The following SUMF1 variants were observed in gnomAD, a reference collection of about 807,000 sequenced individuals.
SUMF1 encodes the protein sulfatase modifying factor 1.
Under a neutral mutation model 47.6 loss-of-function variants are expected in SUMF1, and 48 were observed. That is an observed-to-expected ratio of 1.01 (90% confidence interval 0.80 to 1.28). SUMF1 has a LOEUF of 1.28. Among genes scored for constraint, SUMF1 ranks in the 50% most tolerant of loss-of-function variants. The pLI, the probability that SUMF1 is intolerant of heterozygous loss-of-function variation, is 0.00. For missense variants in SUMF1, 571 were observed against 485.4 expected, an observed-to-expected ratio of 1.18 and a Z score of -1.66; for synonymous variants, 230 against 192.1, an observed-to-expected ratio of 1.20 and a Z score of -1.63.
chr3:4,381,895 A>T (rs1489869633), intron 7 of SUMF1, among the ~76,000 whole-genome samples: 2 of 152,046 alleles, frequency 1.3e-5, no homozygotes, highest in Non-Finnish European at 2.9e-5. Flanking sequence ...AAAATACAAA[A>T]ATTAGCCGGG....
intron 8 of SUMF1, among the ~76,000 whole-genome samples, chr3:4,204,657 C>T (rs903877593): frequency 6.6e-6 from 1 of 151,952 alleles, no homozygotes; most frequent in African/African-American, 2.4e-5. Context: ...TATAGGCATG[C>T]TTCATGCCTT....
At chr3:4,442,331 C>T (rs1462622943) in intron 3 of SUMF1, among the ~76,000 whole-genome samples, 1 of 151,350 alleles carries the variant, frequency 6.6e-6, no homozygotes, top group African/African-American at 2.4e-5. Flanking sequence ...TCTCGGCTCA[C>T]TGCAAGCTCC....
At chr3:4,101,044 C>T (rs1024120985) in intron 8 of SUMF1, among the ~76,000 whole-genome samples, 2 of 151,938 alleles carry the variant, frequency 1.3e-5, no homozygotes, top group African/African-American at 4.8e-5. Context: ...AACTTTTATA[C>T]ACCGTCGGTG....
At chr3:4,160,356 C>T (rs748616132) in intron 8 of SUMF1, among the ~76,000 whole-genome samples, 6 of 152,094 alleles carry the variant, frequency 3.9e-5, no homozygotes, top group Non-Finnish European at 7.4e-5. Flanking sequence ...TCTCCTGCCT[C>T]AGCCTCCCAA....
At chr3:4,216,754 T>A (rs1695933946) in intron 8 of SUMF1, among the ~76,000 whole-genome samples, 1 of 152,070 alleles carries the variant, frequency 6.6e-6, no homozygotes, top group South Asian at 2.1e-4. Context: ...TCAACAAACA[T>A]ATGAAAAAAT....
At chr3:4,185,665 C>T (rs1173081197) in intron 8 of SUMF1, among the ~76,000 whole-genome samples, 1 of 151,954 alleles carries the variant, frequency 6.6e-6, no homozygotes, top group African/African-American at 2.4e-5. Context: ...AGTTAATTAC[C>T]GCAATGTTTA....
At chr3:4,393,938 G>A (rs1437816713) in intron 7 of SUMF1, among the ~76,000 whole-genome samples, 3 of 151,996 alleles carry the variant, frequency 2.0e-5, no homozygotes, top group Non-Finnish European at 2.9e-5. Flanking sequence ...TCAACCAAAT[G>A]TAATTAGGAT....
At chr3:4,062,621 C>G (rs1695295400) in intron 9 of SUMF1, among the ~76,000 whole-genome samples, 1 of 152,042 alleles carries the variant, frequency 6.6e-6, no homozygotes, top group African/African-American at 2.4e-5. Context: ...GGAATGAGCG[C>G]AATGTGGTGG....
intron 6 of SUMF1, among the ~76,000 whole-genome samples, chr3:4,416,803 G>C (rs747550040): frequency 6.6e-6 from 1 of 152,150 alleles, no homozygotes; most frequent in African/African-American, 2.4e-5. Flanking sequence ...CATCAACACA[G>C]AGAACAAATG....
chr3:4,366,964 G>A (rs1023267978), intron 8 of SUMF1, among the ~76,000 whole-genome samples: 4 of 152,198 alleles, frequency 2.6e-5, no homozygotes, highest in African/African-American at 9.7e-5. Context: ...AGGTCTGTTG[G>A]AGTTTGCTAG....
At chr3:4,080,502 C>G (rs73806863) in intron 8 of SUMF1, among the ~76,000 whole-genome samples, 2,370 of 152,172 alleles carry the variant, frequency 0.016, 82 homozygotes, top group African/African-American at 0.055. Flanking sequence ...CCTGGGAACC[C>G]TGCTTCAAAA....
chr3:4,423,338 A>G (rs1379056118), intron 3 of SUMF1, among the ~76,000 whole-genome samples: 1 of 151,822 alleles, frequency 6.6e-6, no homozygotes, highest in Middle Eastern at 3.2e-3. Context: ...CTCAGCCATA[A>G]AAGAATGAAT....
In SUMF1 at chr3:4,217,514, T is replaced by TTATATA. The variant is rs370463309; in HGVS notation, c.1015-148775_1015-148770dup. ...TGTATCCCAGAACTTAAAGTATTTT[T>TTATATA]TATATATATATATATATATATATAT... is the stretch of plus-strand genomic sequence containing the variant. On this transcript the variant is annotated intron_variant and NMD_transcript_variant, in intron 8 of 12. Transcript: ENST00000448413. 4.2e-4 allele frequency among the ~76,000 whole-genome samples: 19 copies of TTATATA among 45,200 alleles called. 1 individual carries two copies. Among genetic ancestry groups the TTATATA allele is most frequent in the South Asian group, 3.3e-3 (3 of 914 alleles). The allele number at this position is 45,200 out of a possible 152,430, so 29.7% of individuals were successfully genotyped here. A position where few individuals can be genotyped will look rare whatever the true frequency, so the allele number is the denominator to read the frequency against.
At chr3:4,131,568 A>T (rs916206335) in intron 8 of SUMF1, among the ~76,000 whole-genome samples, 2 of 152,166 alleles carry the variant, frequency 1.3e-5, no homozygotes, top group African/African-American at 4.8e-5. Flanking sequence ...CTTTGCATGG[A>T]AGTGCATATG....
At chr3:4,348,593 AGT>A (rs1362310546) in intron 8 of SUMF1, among the ~76,000 whole-genome samples, 2 of 152,080 alleles carry the variant, frequency 1.3e-5, no homozygotes, top group Non-Finnish European at 2.9e-5. Flanking sequence ...GGCCAGGCAC[AGT>A]GGCTCAAGCC....
chr3:4,282,782 T>C (rs1170055926), intron 8 of SUMF1, among the ~76,000 whole-genome samples: 1 of 152,198 alleles, frequency 6.6e-6, no homozygotes, highest in African/African-American at 2.4e-5. Context: ...CAATCACATG[T>C]TCCTTTCTCC....
intron 8 of SUMF1, among the ~76,000 whole-genome samples, chr3:4,118,296 G>A (rs1183755006): frequency 6.6e-6 from 1 of 151,588 alleles, no homozygotes; most frequent in African/African-American, 2.4e-5. Context: ...ACAAAAAAGA[G>A]TCATGAAGAT....
At chr3:4,249,996 C>A (rs1696758106) in intron 8 of SUMF1, among the ~76,000 whole-genome samples, 1 of 151,960 alleles carries the variant, frequency 6.6e-6, no homozygotes, top group African/African-American at 2.4e-5. Flanking sequence ...CCAGCCTGGC[C>A]AACATAGTAA....
intron 8 of SUMF1, among the ~76,000 whole-genome samples, chr3:4,318,059 A>G (rs1249202889): frequency 1.3e-5 from 2 of 152,174 alleles, no homozygotes; most frequent in Non-Finnish European, 1.5e-5. Context: ...GGTTACATAC[A>G]TACACACACA....
Sources: allele counts gnomAD v4.1 joint callset (sites outside exome capture counted in the v4.1 genomes callset), GRCh38; gene constraint gnomAD v4.1.1; transcripts MANE v1.5; gene names NCBI Gene and HGNC (gene_info 2026-07-23, HGNC 2026-07-21).